The following ELAVL3 variants were observed in gnomAD, a reference collection of about 807,000 sequenced individuals.
ELAVL3 encodes the protein ELAV like RNA binding protein 3.
In ELAVL3, 8 loss-of-function variants were observed where a neutral mutation model predicts 34.2. The ratio of observed to expected loss-of-function variants is 0.23; its 90% CI spans 0.14 to 0.42. The LOEUF is 0.42. Ranked by LOEUF, ELAVL3 falls within the 10% of genes least tolerant of loss-of-function variation. ELAVL3 has a pLI of 1.00. For synonymous variants in ELAVL3, 209 were observed against 222.1 expected, an observed-to-expected ratio of 0.94 and a Z score of 0.53; for missense variants, 273 against 518.8, an observed-to-expected ratio of 0.53 and a Z score of 4.60.
Position 11,452,546 on chromosome 19 carries a change from T to C in ELAVL3, c.*1980A>G, listed in dbSNP as rs985025693. The C allele has an allele frequency of 6.6e-6, 1 of 151,880 alleles. No homozygotes were observed. Among genetic ancestry groups the C allele is most frequent in the Non-Finnish European group, 1.5e-5 (1 of 68,008 alleles). 9.4% of individuals were successfully genotyped at this position (151,880 alleles called of 1,614,324 possible). ...CTTTTTTTGTTGCTTTTTTTTCCTC[T>C]TCTGTTTGTGTTTTTTTGTCGCTTT... On this transcript the variant is annotated 3_prime_UTR_variant, in exon 7 of 7. Coordinates refer to ENST00000359227, the MANE Select transcript of ELAVL3 (RefSeq NM_001420.4).
intron 3 of ELAVL3, among the ~76,000 whole-genome samples, chr19:11,464,701 CCACACACACCACACACACACACATCA>C (rs1568382390): frequency 2.2e-5 from 3 of 136,408 alleles, no homozygotes; most frequent in Non-Finnish European, 4.7e-5. Context: ...CACACATACA[CCACACACACCACACACACACACATCA>C]CACACACACC....
rs1203808995 is a variant in ELAVL3, at chr19:11,466,920, C to T, written c.10-93G>A. ...CTTGGTGGTGATGAATTAGCCATGT[C>T]TTATAGGGGCTTCGTCATGGGGAGG... On this transcript the variant is annotated intron_variant, in intron 1 of 6. Coordinates refer to ENST00000359227, the MANE Select transcript of ELAVL3 (RefSeq NM_001420.4). The surrounding 1 kb of genome is among the most constrained non-coding windows in gnomAD (Gnocchi z 5.0). 9.9e-7 allele frequency: 1 copy of T among 1,012,628 alleles called. No individual in the cohort carries two copies. The highest frequency in any genetic ancestry group is 2.6e-5 in the East Asian group (1 of 38,264). The allele number at this position is 1,012,628 out of a possible 1,614,324, so 62.7% of individuals were successfully genotyped here.
At chr19:11,455,095 C>T (rs1383723131) in intron 6 of ELAVL3, among the ~76,000 whole-genome samples, 1 of 151,326 alleles carries the variant, frequency 6.6e-6, no homozygotes, top group Non-Finnish European at 1.5e-5. Flanking sequence ...ACCTCCTGGG[C>T]TCAAGCAAAC....
intron 1 of ELAVL3, among the ~76,000 whole-genome samples, chr19:11,479,342 G>A (rs925505226): frequency 6.6e-6 from 1 of 152,056 alleles, no homozygotes; most frequent in Non-Finnish European, 1.5e-5. Flanking sequence ...GAGAGGCTTA[G>A]GCATGGAGGG....
rs1891024038 is a variant in ELAVL3 at position 11,454,907 on chromosome 19, T to C, written c.753-30A>G. ...TTTGGGGGTCACGCGGGCTCTGCCC[T>C]GACCCCCCGCATGCTTCTGACCCCG... On this transcript the variant is annotated intron_variant, in intron 6 of 6. Transcript: ENST00000359227. The surrounding 1 kb of genome is among the most constrained non-coding windows in gnomAD (Gnocchi z 9.2). 2 of 1,564,922 alleles carry C rather than the reference T, an allele frequency of 1.3e-6. No homozygotes were observed. Among genetic ancestry groups the C allele is most frequent in the Admixed American group, 1.8e-5 (1 of 56,956 alleles).
chr19:11,461,573 T>C (rs1970886692), intron 3 of ELAVL3, among the ~76,000 whole-genome samples: 1 of 151,114 alleles, frequency 6.6e-6, no homozygotes, highest in African/African-American at 2.4e-5. Context: ...CTTTCCTCTT[T>C]CTTTTTCTTG....
At chr19:11,457,607 C>T (rs28440978) in intron 5 of ELAVL3, among the ~76,000 whole-genome samples, 13,381 of 152,220 alleles carry the variant, frequency 0.088, 689 homozygotes, top group African/African-American at 0.12. Flanking sequence ...TGAGTCTCTG[C>T]TCTGTTTGGG....
In ELAVL3 at chr19:11,467,291, G is replaced by A. The variant is rs369521562; in HGVS notation, c.10-464C>T. Reference sequence around the variant, plus strand: ...TACAAAATTAGCCGGGCGTGGTGGCGCATGCCTGTAATCCCAGCTACTCGG... The same window carrying A: ...TACAAAATTAGCCGGGCGTGGTGGCACATGCCTGTAATCCCAGCTACTCGG... On this transcript the variant is annotated intron_variant, in intron 1 of 6. Transcript: ENST00000359227. Among the ~76,000 whole-genome samples, 62 of 151,772 alleles carry A rather than the reference G, an allele frequency of 4.1e-4. 2 individuals are homozygous for A. The South Asian group carries it at 0.011, about 28-fold the overall frequency.
chr19:11,458,424 C>G lies in ELAVL3; in HGVS notation c.487+34G>C, dbSNP rs183517990. ...CCCACCTGACTGCCTTTGCCCAGCG[C>G]CCCCGCCAGGTGCACCCTCCCTGAC... On this transcript the variant is annotated intron_variant, in intron 4 of 6. Transcript: ENST00000359227. This position sits in a 1 kb window ranked among gnomAD's most constrained non-coding sequence, Gnocchi z 7.3. The G allele has an allele frequency of 6.2e-7, 1 of 1,613,082 alleles. No individual in the cohort carries two copies. Among genetic ancestry groups the G allele is most frequent in the South Asian group, 1.1e-5 (1 of 90,992 alleles).
intron 1 of ELAVL3, among the ~76,000 whole-genome samples, chr19:11,476,595 C>T (rs1030370582): frequency 6.6e-6 from 1 of 150,646 alleles, no homozygotes; most frequent in Non-Finnish European, 1.5e-5. Context: ...GCATAGGCGG[C>T]AAATGGTGAA....
intron 3 of ELAVL3, among the ~76,000 whole-genome samples, chr19:11,463,771 A>T (rs1970940304): frequency 6.6e-6 from 1 of 151,998 alleles, no homozygotes; most frequent in African/African-American, 2.4e-5. Context: ...GGAGTTCAAG[A>T]CCATCCTGAC....
rs896508405 is a variant in ELAVL3 at position 11,458,949 on chromosome 19, AC to A, written c.334-339del. Among the ~76,000 whole-genome samples, 1 of 140,918 alleles carries A rather than the reference AC, an allele frequency of 7.1e-6. No individual in the cohort carries two copies. The highest frequency in any genetic ancestry group is 7.1e-5 in the Admixed American group (1 of 14,020). 92.4% of individuals were successfully genotyped at this position (140,918 alleles called of 152,430 possible). A position where few individuals can be genotyped will look rare whatever the true frequency, so the allele number is the denominator to read the frequency against. ...CTTGACAGTCCATCAACAAACATTG[AC>A]CTTTTTTTTTTTTTAAAGACAGGAT... On this transcript the variant is annotated intron_variant, in intron 3 of 6. Transcript: ENST00000359227. The surrounding 1 kb of genome is among the most constrained non-coding windows in gnomAD (Gnocchi z 7.3).
At chr19:11,459,256 G>A (rs1599531592) in intron 3 of ELAVL3, among the ~76,000 whole-genome samples, 1 of 151,460 alleles carries the variant, frequency 6.6e-6, no homozygotes, top group African/African-American at 2.4e-5. Flanking sequence ...CTGACTAGCT[G>A]GGATTACAGG....
rs570579253 is a variant in ELAVL3 at position 11,458,719 on chromosome 19, C to T, written c.334-108G>A. 5.8e-4 allele frequency: 818 copies of T among 1,404,770 alleles called. 1 individual carries two copies. The highest frequency in any genetic ancestry group is 7.4e-4 in the Non-Finnish European group (755 of 1,024,320). 87.0% of individuals were successfully genotyped at this position (1,404,770 alleles called of 1,614,324 possible). ...ACGGAGTTAGCAGAAGTGACCCATC[C>T]GTCACTCAATAAGTATCTCTAGAGT... is the stretch of plus-strand genomic sequence containing the variant. On this transcript the variant is annotated intron_variant, in intron 3 of 6. Transcript: ENST00000359227. This position sits in a 1 kb window ranked among gnomAD's most constrained non-coding sequence, Gnocchi z 7.3.
chr19:11,469,436 A>G (rs1971120444), intron 1 of ELAVL3, among the ~76,000 whole-genome samples: 1 of 151,902 alleles, frequency 6.6e-6, no homozygotes, highest in African/African-American at 2.4e-5. Flanking sequence ...ATGCGCCACC[A>G]TGCCCGGCTA....
intron 3 of ELAVL3, among the ~76,000 whole-genome samples, chr19:11,465,040 CACACACAT>C (rs201270864): frequency 0.042 from 5,242 of 124,672 alleles, 162 homozygotes; most frequent in East Asian, 0.14. Context: ...ACACACACAC[CACACACAT>C]ACACACATAC....
At chr19:11,462,606 G>A (rs970607477) in intron 3 of ELAVL3, among the ~76,000 whole-genome samples, 3 of 149,896 alleles carry the variant, frequency 2.0e-5, no homozygotes, top group African/African-American at 4.9e-5. Flanking sequence ...ACTGTAATCC[G>A]GCCTGGGTAA....
At chr19:11,479,093 C>T (rs1971317738) in intron 1 of ELAVL3, among the ~76,000 whole-genome samples, 1 of 152,220 alleles carries the variant, frequency 6.6e-6, no homozygotes, top group Non-Finnish European at 1.5e-5. Context: ...CCCTCTTTCC[C>T]TTTGTGCATT....
At chr19:11,472,277 C>T (rs954780055) in intron 1 of ELAVL3, among the ~76,000 whole-genome samples, 10 of 152,130 alleles carry the variant, frequency 6.6e-5, no homozygotes, top group East Asian at 3.9e-4. Flanking sequence ...ACCCAGGAGG[C>T]GGAGGTTGCA....
Sources: allele counts gnomAD v4.1 joint callset (sites outside exome capture counted in the v4.1 genomes callset), GRCh38; gene constraint gnomAD v4.1.1; non-coding constraint Gnocchi (gnomAD v3.1); transcripts MANE v1.5; gene names NCBI Gene and HGNC (gene_info 2026-07-23, HGNC 2026-07-21).